Variants in NRG3 observed in about 807,000 individuals in gnomAD.
NRG3 encodes pro-neuregulin-3, membrane-bound isoform.
In NRG3, 31 loss-of-function variants were observed where a neutral mutation model predicts 66.9. The ratio of observed to expected loss-of-function variants is 0.46; its 90% CI spans 0.35 to 0.63. NRG3 has a LOEUF of 0.63. Among genes scored for constraint, NRG3 ranks in the 20% least tolerant of loss-of-function variants. The pLI is 0.00. For missense variants in NRG3, 910 were observed against 878.9 expected (o/e 1.04, Z -0.45); for synonymous variants, 393 against 359.4 (o/e 1.09, Z -1.06).
At chr10:82,936,482 G>C (rs574570841) in intron 4 of NRG3, among the ~76,000 whole-genome samples, 2 of 152,248 alleles carry the variant, frequency 1.3e-5, no homozygotes, top group Admixed American at 1.3e-4. Flanking sequence ...GGAGATGTTG[G>C]TCAAATAATA....
intron 1 of NRG3, among the ~76,000 whole-genome samples, chr10:82,245,426 C>G (rs1314586463): frequency 6.6e-6 from 1 of 152,240 alleles, no homozygotes. Context: ...GGCCAAAGAC[C>G]AATACAGGTC....
intron 3 of NRG3, among the ~76,000 whole-genome samples, chr10:82,753,945 CA>C (rs57793727): frequency 0.28 from 30,372 of 107,882 alleles, 3,065 homozygotes; most frequent in Middle Eastern, 0.38. Flanking sequence ...GACTCCATCT[CA>C]AAAAAAAAAA....
chr10:82,911,875 T>C lies in NRG3; in HGVS notation c.1055-39594T>C, dbSNP rs1845354844. 3.9e-5 allele frequency among the ~76,000 whole-genome samples: 6 copies of C among 152,060 alleles called. No homozygotes were observed. The South Asian group carries it at 1.2e-3, about 31-fold the overall frequency. On this transcript the variant is annotated intron_variant, in intron 4 of 8. Coordinates refer to ENST00000372141, the MANE Select transcript of NRG3 (RefSeq NM_001010848.4). Reference sequence around the variant, plus strand: ...TCTTTTCTAATATATTCATTAAATATTATAAATTTCCCTCTAAGAACTGCT... The same window carrying C: ...TCTTTTCTAATATATTCATTAAATACTATAAATTTCCCTCTAAGAACTGCT...
intron 2 of NRG3, among the ~76,000 whole-genome samples, chr10:82,512,412 A>G (rs939119111): frequency 2.6e-5 from 4 of 152,008 alleles, no homozygotes; most frequent in Admixed American, 6.5e-5. Flanking sequence ...CAGCCTCCCA[A>G]GTAGCTGAGA....
At chr10:82,818,920 C>A (rs2135557285) in intron 3 of NRG3, among the ~76,000 whole-genome samples, 1 of 152,224 alleles carries the variant, frequency 6.6e-6, no homozygotes, top group Non-Finnish European at 1.5e-5. Context: ...CTGCTTTGGA[C>A]AGAAAGTGTT....
At chr10:82,748,842 G>A (rs2058745612) in intron 3 of NRG3, among the ~76,000 whole-genome samples, 1 of 151,696 alleles carries the variant, frequency 6.6e-6, no homozygotes, top group African/African-American at 2.4e-5. Context: ...TTTGCCCAAG[G>A]ATACACACTT....
chr10:82,475,222 T>G (rs976366303), intron 2 of NRG3, among the ~76,000 whole-genome samples: 2 of 152,010 alleles, frequency 1.3e-5, no homozygotes, highest in African/African-American at 4.8e-5. Context: ...CTAGATTAAC[T>G]ATGATTGAGA....
intron 1 of NRG3, among the ~76,000 whole-genome samples, chr10:82,295,909 A>G (rs2080032687): frequency 6.6e-6 from 1 of 151,672 alleles, no homozygotes; most frequent in South Asian, 2.1e-4. Context: ...AAAAAGGACA[A>G]AAAAAACCCC....
intron 1 of NRG3, among the ~76,000 whole-genome samples, chr10:82,181,921 G>A (rs2073448527): frequency 6.6e-6 from 1 of 151,720 alleles, no homozygotes. Flanking sequence ...TGCTTCATAT[G>A]TTTAGATGCT....
At position 81,876,028 on chromosome 10, in the gene NRG3, G is replaced by A. The variant is rs200553274; in HGVS notation, c.688G>A (p.Ala230Thr). 1.2e-6 allele frequency: 2 copies of A among 1,613,884 alleles called. No individual in the cohort carries two copies. The highest frequency in any genetic ancestry group is 1.7e-6 in the Non-Finnish European group (2 of 1,180,032). ...AMPSWPTAAY[A>T]TSSYLHDSTP... The stretch of plus-strand genomic sequence containing the variant: ...GCCCTCCTGGCCTACTGCGGCATAC[G>A]CTACCTCCTCCTACCTTCACGATTC... Residue 230 changes from alanine (A) to threonine (T), a missense_variant, in exon 1 of 9, where the codon GCT (alanine) becomes ACT (threonine). Transcript: ENST00000372141.
At chr10:82,653,775 A>G (rs1269692591) in intron 2 of NRG3, among the ~76,000 whole-genome samples, 4 of 152,282 alleles carry the variant, frequency 2.6e-5, no homozygotes, top group African/African-American at 9.6e-5. Flanking sequence ...AGGAATAAAT[A>G]AAGTGGCGAT....
chr10:82,562,007 G>A (rs1038209648), intron 2 of NRG3, among the ~76,000 whole-genome samples: 2 of 152,098 alleles, frequency 1.3e-5, no homozygotes, highest in Admixed American at 6.6e-5. Flanking sequence ...TAAAGTGGTC[G>A]TTAATAACAT....
chr10:82,676,518 CTG>C (rs1265369946), intron 2 of NRG3, among the ~76,000 whole-genome samples: 1 of 152,048 alleles, frequency 6.6e-6, no homozygotes, highest in Admixed American at 6.6e-5. Flanking sequence ...GAGTCTCACT[CTG>C]TCACCCAGGC....
At chr10:82,759,383 C>T (rs2059213655) in intron 3 of NRG3, among the ~76,000 whole-genome samples, 1 of 151,938 alleles carries the variant, frequency 6.6e-6, no homozygotes, top group South Asian at 2.1e-4. Context: ...CTTGAACTTT[C>T]CAGTCACCAG....
intron 2 of NRG3, among the ~76,000 whole-genome samples, chr10:82,458,119 C>G (rs552518127): frequency 1.3e-5 from 2 of 152,254 alleles, no homozygotes; most frequent in African/African-American, 2.4e-5. Context: ...CCAGGATCTT[C>G]CCTGACTCAG....
chr10:82,237,373 C>T (rs187118834), intron 1 of NRG3, among the ~76,000 whole-genome samples: 1 of 152,276 alleles, frequency 6.6e-6, no homozygotes, highest in Non-Finnish European at 1.5e-5. Context: ...ATACTCCATT[C>T]TTTTTGTCAT....
At chr10:82,103,566 A>G (rs752029266) in intron 1 of NRG3, among the ~76,000 whole-genome samples, 1 of 152,142 alleles carries the variant, frequency 6.6e-6, no homozygotes, top group African/African-American at 2.4e-5. Flanking sequence ...GTGGTATTTT[A>G]TATCATATTT....
At chr10:82,927,142 G>A (rs1336819420) in intron 4 of NRG3, among the ~76,000 whole-genome samples, 2 of 152,186 alleles carry the variant, frequency 1.3e-5, no homozygotes, top group African/African-American at 2.4e-5. Context: ...CCAGCACAGA[G>A]CTCTAATCAT....
intron 2 of NRG3, among the ~76,000 whole-genome samples, chr10:82,590,305 G>A (rs1372855309): frequency 6.6e-6 from 1 of 152,148 alleles, no homozygotes; most frequent in Non-Finnish European, 1.5e-5. Flanking sequence ...CAGAGTTCAT[G>A]TCTCTGTATC....
Sources: gnomAD v4.1 joint callset for allele counts (sites outside exome capture counted in the v4.1 genomes callset) on GRCh38, gnomAD v4.1.1 for gene constraint, MANE v1.5 for transcripts, NCBI Gene and HGNC (gene_info 2026-07-23, HGNC 2026-07-21) for gene names.